The following STMND1 variants were observed in gnomAD, a reference collection of about 807,000 sequenced individuals.
STMND1 encodes the protein stathmin domain-containing protein 1.
A neutral mutation model predicts 23.0 loss-of-function variants in STMND1; 17 were observed. That is an observed-to-expected ratio of 0.74 (90% confidence interval 0.51 to 1.11). The LOEUF is 1.11. Among genes scored for constraint, STMND1 ranks in the 50% least tolerant of loss-of-function variants. STMND1 has a pLI of 0.00. For synonymous variants in STMND1, 114 were observed against 119.9 expected, an observed-to-expected ratio of 0.95 and a Z score of 0.32; for missense variants, 305 against 329.1, an observed-to-expected ratio of 0.93 and a Z score of 0.57.
chr6:17,114,420 A>G (rs1262553076), intron 1 of STMND1, among the ~76,000 whole-genome samples: 12 of 152,082 alleles, frequency 7.9e-5, no homozygotes, highest in Admixed American at 7.9e-4. Context: ...ACCCGCCACC[A>G]TGCCTGGCTA....
intron 3 of STMND1, among the ~76,000 whole-genome samples, chr6:17,126,006 C>T (rs1761289460): frequency 8.0e-6 from 1 of 125,676 alleles, no homozygotes; most frequent in Admixed American, 8.7e-5. Flanking sequence ...ACTGGTAACA[C>T]CTCTCTAAGC....
At position 17,130,784 on chromosome 6, in the gene STMND1, G is replaced by A. The variant is rs1170120906; in HGVS notation, c.734G>A (p.Cys245Tyr). 2 of 1,536,070 alleles carry A rather than the reference G, an allele frequency of 1.3e-6. No homozygotes were observed. The highest frequency in any genetic ancestry group is 1.7e-6 in the Non-Finnish European group (2 of 1,146,908). The change falls in exon 5 of 5, where the codon TGT becomes TAT. Residue 245 changes from cysteine to tyrosine, a missense_variant. Physicochemically the swap from Cys to Tyr is radical, Grantham distance 194. Transcript: ENST00000536551. ...GKPLKRKKSK[C>Y]DATLIDRNES... The stretch of plus-strand genomic sequence containing the variant: ...CCATTGAAGAGGAAGAAGAGTAAAT[G>A]TGATGCAACCTTGATTGATAGAAAC...
In STMND1 at chr6:17,131,022, C is replaced by G; in HGVS notation, c.*141C>G. 1 of 776,046 alleles carries G rather than the reference C, an allele frequency of 1.3e-6. No homozygotes were observed. 48.1% of individuals were successfully genotyped at this position (776,046 alleles called of 1,614,324 possible). ...CTTAAGGATGATTGTGTGGGCTGCA[C>G]AGGCTGAAGGTTAGTTGAGTAAATT... On this transcript the variant is annotated 3_prime_UTR_variant, in exon 5 of 5. Coordinates refer to ENST00000536551, the MANE Select transcript of STMND1 (RefSeq NM_001190766.2).
At chr6:17,116,447 C>CT (rs896893180) in intron 2 of STMND1, among the ~76,000 whole-genome samples, 21 of 149,262 alleles carry the variant, frequency 1.4e-4, no homozygotes, top group South Asian at 6.4e-4. Context: ...GAGTATACCT[C>CT]TTTTTTTTTT....
At position 17,130,752 on chromosome 6, in the gene STMND1, A is replaced by G; in HGVS notation, c.702A>G (p.Gly234=). Residue 234 remains glycine (G), a synonymous_variant, in exon 5 of 5, where the codon GGA becomes GGG. Coordinates refer to ENST00000536551, the MANE Select transcript of STMND1 (RefSeq NM_001190766.2). The part of the protein sequence containing the change: ...SAGFEPSDLQ[G]GKPLKRKKSK... Reference sequence around the variant, plus strand: ...GATTTGAACCATCTGACCTGCAGGGAGGAAAACCATTGAAGAGGAAGAAGA... The same window carrying G: ...GATTTGAACCATCTGACCTGCAGGGGGGAAAACCATTGAAGAGGAAGAAGA... 2 of 1,536,108 alleles carry G rather than the reference A, an allele frequency of 1.3e-6. No individual in the cohort carries two copies. Among genetic ancestry groups the G allele is most frequent in the Non-Finnish European group, 8.7e-7 (1 of 1,146,912 alleles).
intron 2 of STMND1, among the ~76,000 whole-genome samples, chr6:17,118,946 T>C (rs557947090): frequency 1.3e-5 from 2 of 152,318 alleles, no homozygotes; most frequent in African/African-American, 4.8e-5. Flanking sequence ...AAGTACTCAG[T>C]ATAGTGCAGG....
At chr6:17,104,583 C>A (rs1343049936) in intron 1 of STMND1, among the ~76,000 whole-genome samples, 3 of 152,174 alleles carry the variant, frequency 2.0e-5, no homozygotes, top group Admixed American at 1.3e-4. Context: ...ATTATCACTT[C>A]TCGCTTGGAT....
intron 2 of STMND1, among the ~76,000 whole-genome samples, chr6:17,119,700 CAAA>C (rs35768370): frequency 7.8e-6 from 1 of 128,742 alleles, no homozygotes; most frequent in Non-Finnish European, 1.7e-5. Flanking sequence ...AACCTCATCT[CAAA>C]AAAAAAAAAA....
At chr6:17,122,336 A>G (rs1040569096) in intron 3 of STMND1, among the ~76,000 whole-genome samples, 1 of 152,148 alleles carries the variant, frequency 6.6e-6, no homozygotes, top group African/African-American at 2.4e-5. Flanking sequence ...CGAAAAAAAA[A>G]GAAATAACAA....
chr6:17,114,866 A>G, intron 1 of STMND1, 96 bp from the exon 2 acceptor site: 1 of 1,317,004 alleles, frequency 7.6e-7, no homozygotes, highest in Non-Finnish European at 1.0e-6. Context: ...CCCACCACAG[A>G]TACTAGCTGG....
chr6:17,108,581 G>C (rs1270086208), intron 1 of STMND1, among the ~76,000 whole-genome samples: 1 of 152,084 alleles, frequency 6.6e-6, no homozygotes, highest in Non-Finnish European at 1.5e-5. Flanking sequence ...GCTTTTAGTA[G>C]TTTATTTGGA....
intron 3 of STMND1, among the ~76,000 whole-genome samples, chr6:17,125,153 C>CAA (rs5874593): frequency 0.1 from 13,445 of 129,118 alleles, 861 homozygotes; most frequent in Middle Eastern, 0.25. Context: ...GCCATTTCTA[C>CAA]AAAAAAAAAA....
rs1761116850 is a variant in STMND1, at chr6:17,113,238, T to C, written c.82-1724T>C. Among the ~76,000 whole-genome samples the C allele has an allele frequency of 2.6e-5, 4 of 152,174 alleles. No homozygotes were observed. In the South Asian group the frequency reaches 8.3e-4, roughly 31 times the overall value. On this transcript the variant is annotated intron_variant, in intron 1 of 4. Transcript: ENST00000536551. ...ATAGACAGATGGATAGATAGGTAGA[T>C]AGGTAAATTGTAAGGAATTGGCTGA...
chr6:17,114,610 G>T (rs987592734), intron 1 of STMND1, among the ~76,000 whole-genome samples: 1 of 152,214 alleles, frequency 6.6e-6, no homozygotes, highest in African/African-American at 2.4e-5. Context: ...TCCCTCGCAT[G>T]TGCAGTGCAC....
chr6:17,130,496 G>A (rs1761375646), intron 4 of STMND1, 98 bp from the exon 5 acceptor site: 1 of 932,496 alleles, frequency 1.1e-6, no homozygotes, highest in Non-Finnish European at 1.5e-6. Context: ...ACTGAATGAT[G>A]ACATAGAGAA....
chr6:17,129,345 G>T, intron 4 of STMND1, 102 bp downstream of exon 4: 2 of 1,103,104 alleles, frequency 1.8e-6, no homozygotes, highest in Non-Finnish European at 2.5e-6. Flanking sequence ...AAACTGCATG[G>T]ATCTATAATC....
chr6:17,124,018 A>C (rs1431856061), intron 3 of STMND1, among the ~76,000 whole-genome samples: 1 of 152,190 alleles, frequency 6.6e-6, no homozygotes, highest in Non-Finnish European at 1.5e-5. Flanking sequence ...AATCATTAAT[A>C]ATATTAATAC....
chr6:17,119,912 C>T (rs545348348), intron 2 of STMND1, among the ~76,000 whole-genome samples: 3 of 152,208 alleles, frequency 2.0e-5, no homozygotes, highest in Non-Finnish European at 2.9e-5. Flanking sequence ...GGCATAAACT[C>T]GGCTGCTTAT....
intron 3 of STMND1, among the ~76,000 whole-genome samples, chr6:17,124,866 G>A (rs1240714666): frequency 6.6e-6 from 1 of 151,802 alleles, no homozygotes; most frequent in African/African-American, 2.4e-5. Context: ...GGGCATGGTG[G>A]TGTGCACCTG....
Sources: gnomAD v4.1 joint callset for allele counts (sites outside exome capture counted in the v4.1 genomes callset) on GRCh38, gnomAD v4.1.1 for gene constraint, MANE v1.5 for transcripts, NCBI Gene and HGNC (gene_info 2026-07-23, HGNC 2026-07-21) for gene names.